ASIP: variants seen among roughly 807,000 people sequenced by gnomAD.
The protein encoded by ASIP is agouti-signaling protein.
In ASIP, 11 loss-of-function variants were observed where a neutral mutation model predicts 10.3. The ratio of observed to expected loss-of-function variants is 1.07; its 90% CI spans 0.68 to 1.78. ASIP has a LOEUF of 1.78. ASIP is among the 40% of genes most tolerant of loss of function. The pLI is 0.00. For missense variants in ASIP, 180 were observed against 169.2 expected (o/e 1.06, Z -0.35); for synonymous variants, 70 against 70.8 (o/e 0.99, Z 0.06).
At chr20:34,222,185 T>C (rs988695346) in intron 1 of ASIP, among the ~76,000 whole-genome samples, 4 of 152,042 alleles carry the variant, frequency 2.6e-5, no homozygotes, top group African/African-American at 9.7e-5. Context: ...AGCTGTAGGA[T>C]ACCAGCTTTT....
In ASIP at chr20:34,214,520, T is replaced by C. The variant is rs547992548; in HGVS notation, c.-11+19760T>C. The C allele has an allele frequency of 1.1e-5, 16 of 1,507,910 alleles. No individual in the cohort carries two copies. In the African/African-American group the frequency reaches 1.9e-4, roughly 18 times the overall value. 93.4% of individuals were successfully genotyped at this position (1,507,910 alleles called of 1,614,324 possible). A position where few individuals can be genotyped will look rare whatever the true frequency, so the allele number is the denominator to read the frequency against. Reference sequence around the variant, plus strand: ...TCTGCCAACATATACAGCAATCTTATTGCTACTTCAACTTCCATGAACCGT... The same window carrying C: ...TCTGCCAACATATACAGCAATCTTACTGCTACTTCAACTTCCATGAACCGT... On this transcript the variant is annotated intron_variant, in intron 1 of 3. Coordinates refer to the ASIP transcript ENST00000568305.
At chr20:34,225,678 C>T (rs1440795339) in intron 1 of ASIP, among the ~76,000 whole-genome samples, 1 of 151,970 alleles carries the variant, frequency 6.6e-6, no homozygotes, top group Non-Finnish European at 1.5e-5. Flanking sequence ...CTTCTCTCTC[C>T]GCTGATTCAT....
At chr20:34,258,444 A>G (rs2035611895) in intron 1 of ASIP, among the ~76,000 whole-genome samples, 2 of 150,450 alleles carry the variant, frequency 1.3e-5, no homozygotes, top group African/African-American at 4.9e-5. Context: ...GCAAATAAGT[A>G]CTGTAGTCAC....
intron 1 of ASIP, among the ~76,000 whole-genome samples, chr20:34,226,052 C>T (rs1568752833): frequency 6.6e-6 from 1 of 151,872 alleles, no homozygotes; most frequent in African/African-American, 2.4e-5. Context: ...TGCCACCACA[C>T]CCGGCTAATT....
chr20:34,240,294 C>T (rs568014853), upstream of ASIP, among the ~76,000 whole-genome samples: 7 of 152,278 alleles, frequency 4.6e-5, no homozygotes, highest in South Asian at 1.5e-3. Flanking sequence ...AGCAGCTGGG[C>T]TTGTGAAAAA....
At chr20:34,200,999 TCCTTCCTTCCTTCC>T (rs2034890983) in intron 1 of ASIP, among the ~76,000 whole-genome samples, 2 of 65,202 alleles carry the variant, frequency 3.1e-5, no homozygotes, top group African/African-American at 3.1e-4. Flanking sequence ...CTTCCTTCCT[TCCTTCCTTCCTTCC>T]TTCCTTCTTT....
Position 34,244,397 on chromosome 20 carries a change from A to T in ASIP, c.-11+2908A>T, listed in dbSNP as rs138816222. On this transcript the variant is annotated intron_variant, in intron 1 of 3. Coordinates refer to ENST00000374954, the MANE Select transcript of ASIP (RefSeq NM_001672.3). ...TACTCACATAATTTATAGCCAGAAT[A>T]AGAACCTCTAGCCTCTCTGAATGGC... is the stretch of plus-strand genomic sequence containing the variant. Among the ~76,000 whole-genome samples the T allele has an allele frequency of 2.7e-3, 405 of 152,300 alleles. 3 individuals are homozygous for T. The highest frequency in any genetic ancestry group is 1.7e-3 in the East Asian group (9 of 5,182).
At chr20:34,248,898 A>T (rs1001440798) in intron 1 of ASIP, among the ~76,000 whole-genome samples, 1 of 151,788 alleles carries the variant, frequency 6.6e-6, no homozygotes, top group African/African-American at 2.4e-5. Context: ...GTTCGAAGAG[A>T]ACTTAAAAAT....
intron 3 of ASIP, among the ~76,000 whole-genome samples, chr20:34,265,691 T>C (rs2035772118): frequency 1.3e-5 from 2 of 152,178 alleles, no homozygotes; most frequent in South Asian, 4.1e-4. Flanking sequence ...GGCTCACACC[T>C]GTAATCCCAG....
At chr20:34,235,652 C>T (rs962784069) in intron 1 of ASIP, among the ~76,000 whole-genome samples, 3 of 151,418 alleles carry the variant, frequency 2.0e-5, no homozygotes, top group Non-Finnish European at 4.4e-5. Flanking sequence ...GGCATGGTAG[C>T]GCATGCCTGT....
chr20:34,268,762 A>C (rs1296405494), intron 3 of ASIP, among the ~76,000 whole-genome samples: 1 of 151,730 alleles, frequency 6.6e-6, no homozygotes, highest in Non-Finnish European at 1.5e-5. Flanking sequence ...AACAAACAAA[A>C]AAAACACAAA....
At chr20:34,216,431 AAAAT>A (rs2035009481) in intron 1 of ASIP, among the ~76,000 whole-genome samples, 1 of 152,254 alleles carries the variant, frequency 6.6e-6, no homozygotes, top group African/African-American at 2.4e-5. Flanking sequence ...GATAAGCAAA[AAAAT>A]AAATTTTCTT....
At chr20:34,246,399 C>T in intron 1 of ASIP, 3 of 1,383,616 alleles carry the variant, frequency 2.2e-6, no homozygotes, top group Non-Finnish European at 3.0e-6. Context: ...TGAGCAACAT[C>T]AGGCATATAT....
chr20:34,224,383 T>G (rs1349116858), intron 1 of ASIP, among the ~76,000 whole-genome samples: 1 of 151,204 alleles, frequency 6.6e-6, no homozygotes, highest in African/African-American at 2.4e-5. Context: ...GACTGTTCTC[T>G]CCATTGAAAG....
At chr20:34,202,525 G>A (rs1426468488) in intron 1 of ASIP, among the ~76,000 whole-genome samples, 3 of 152,184 alleles carry the variant, frequency 2.0e-5, no homozygotes, top group African/African-American at 7.2e-5. Context: ...GGTATGATGT[G>A]AGGTCAAGTT....
intron 1 of ASIP, among the ~76,000 whole-genome samples, chr20:34,226,198 A>T (rs2035091922): frequency 6.6e-6 from 1 of 152,134 alleles, no homozygotes; most frequent in Admixed American, 6.5e-5. Flanking sequence ...CGCTCAGCTG[A>T]CGTGTACCTA....
chr20:34,250,816 C>T (rs1306139288), intron 1 of ASIP, among the ~76,000 whole-genome samples: 3 of 152,122 alleles, frequency 2.0e-5, no homozygotes, highest in Non-Finnish European at 2.9e-5. Context: ...GACTGGGAGA[C>T]TGTAGTCCTT....
At chr20:34,251,691 C>A (rs993561533) in intron 1 of ASIP, among the ~76,000 whole-genome samples, 5 of 152,186 alleles carry the variant, frequency 3.3e-5, no homozygotes, top group African/African-American at 4.8e-5. Context: ...ATGTTGAAAT[C>A]CTCACTGCCA....
intron 1 of ASIP, among the ~76,000 whole-genome samples, chr20:34,210,268 AGCCCAGACC>A (rs1206847329): frequency 6.6e-6 from 1 of 152,188 alleles, no homozygotes; most frequent in African/African-American, 2.4e-5. Flanking sequence ...CCCTTTGGGG[AGCCCAGACC>A]TGGGAGTTCC....
Sources: gnomAD v4.1 joint callset for allele counts (sites outside exome capture counted in the v4.1 genomes callset) on GRCh38, gnomAD v4.1.1 for gene constraint, MANE v1.5 for transcripts, NCBI Gene and HGNC (gene_info 2026-07-23, HGNC 2026-07-21) for gene names.